Variants in SMG5 observed in about 807,000 individuals in gnomAD.
SMG5 encodes the protein nonsense-mediated mRNA decay factor SMG5.
A neutral mutation model predicts 122.9 loss-of-function variants in SMG5; 53 were observed. The ratio of observed to expected loss-of-function variants is 0.43; its 90% confidence interval spans 0.35 to 0.54. The LOEUF (loss-of-function observed/expected upper bound fraction) is 0.54, where lower values mean the gene tolerates loss of function less well. SMG5 is among the 20% of genes least tolerant of loss of function. The probability of loss-of-function intolerance (pLI) is 0.01; values close to 1 mark genes in which losing one functional copy is unlikely to be tolerated. For synonymous variants in SMG5, 477 were observed against 490.2 expected, an observed-to-expected ratio of 0.97 and a Z score of 0.35; for missense variants, 1,153 against 1,285.6, an observed-to-expected ratio of 0.90 and a Z score of 1.58.
intron 16 of SMG5, 151 bp downstream of exon 16, chr1:156,258,854 C>G (rs1661689345): frequency 1.1e-5 from 10 of 936,730 alleles, no homozygotes; most frequent in Non-Finnish European, 1.2e-5. Flanking sequence ...TAGTCCTTCC[C>G]AGGCCTCCCT....
intron 16 of SMG5, among the ~76,000 whole-genome samples, chr1:156,254,888 G>C (rs1316657455): frequency 6.6e-6 from 1 of 151,378 alleles, no homozygotes; most frequent in Non-Finnish European, 1.5e-5. Flanking sequence ...TCAGGAGTTC[G>C]AGAGCAGCCT....
chr1:156,265,683 C>T lies in SMG5; in HGVS notation c.1855+98G>A, dbSNP rs114247648. On this transcript the variant is annotated intron_variant, in intron 12 of 21. Transcript: ENST00000361813. ...AGAGGGCCAAAGGTAAGGGTAGAGA[C>T]GAGAGGTCATTCACACAGATAGGAA... 302 of 1,519,628 alleles carry T rather than the reference C, an allele frequency of 2.0e-4. 1 individual carries two copies. In the African/African-American group the frequency reaches 3.2e-3, roughly 16 times the overall value. 94.1% of individuals were successfully genotyped at this position (1,519,628 alleles called of 1,614,324 possible).
upstream of SMG5, chr1:156,284,359 G>C (rs1399818571): frequency 6.6e-6 from 1 of 152,284 alleles, no homozygotes; most frequent in African/African-American, 2.4e-5. Flanking sequence ...GCTCCTTCCC[G>C]GACGGACGGA....
rs1661811754 is a variant in SMG5, at chr1:156,261,286, A to T, written c.2107+47T>A. On this transcript the variant is annotated intron_variant, in intron 14 of 21. Coordinates refer to ENST00000361813, the MANE Select transcript of SMG5 (RefSeq NM_015327.3). ...GGGAGGGGAGATGGGCTTAGTGGGG[A>T]CAATGAGAGAGCAAAGAAAGGAGGG... 2.5e-6 allele frequency: 4 copies of T among 1,573,010 alleles called. No homozygotes were observed. In the South Asian group the frequency reaches 3.3e-5, roughly 13 times the overall value.
At position 156,282,632 on chromosome 1, in the gene SMG5, C is replaced by T. The variant is rs1663011879; in HGVS notation, c.49G>A (p.Val17Ile). Residue 17 changes from valine (V) to isoleucine (I), a missense_variant, in exon 1 of 22, where the codon GTC becomes ATC. Physicochemically the swap from Val to Ile is conservative, Grantham distance 29. Around this residue, in one of 5 missense-constraint regions of SMG5, gnomAD observed 213 missense variants for 197.5 expected, o/e 1.08. Coordinates refer to ENST00000361813, the MANE Select transcript of SMG5 (RefSeq NM_015327.3). Reference protein sequence around the residue: ...TGESSEPEAKVLHTKRLYRAV... With the variant: ...TGESSEPEAKILHTKRLYRAV... Reference sequence around the variant, plus strand: ...CGGTAAAGCCGCTTAGTGTGGAGGACTTTTGCTTCGGGCTCGCTGCTCTCC... The same window carrying T: ...CGGTAAAGCCGCTTAGTGTGGAGGATTTTTGCTTCGGGCTCGCTGCTCTCC... 5 of 1,609,024 alleles carry T rather than the reference C, an allele frequency of 3.1e-6. No homozygotes were observed. The highest frequency in any genetic ancestry group is 1.7e-5 in the Admixed American group (1 of 59,974).
chr1:156,267,959 G>A (rs1183321120), intron 9 of SMG5, among the ~76,000 whole-genome samples, 156 bp downstream of exon 9: 1 of 152,106 alleles, frequency 6.6e-6, no homozygotes, highest in African/African-American at 2.4e-5. Flanking sequence ...AGGACCCTTG[G>A]GAGAAACAGT....
chr1:156,249,626 G>T lies in SMG5; in HGVS notation c.*961C>A. 2.5e-6 allele frequency: 1 copy of T among 403,848 alleles called. No homozygotes were observed. Among genetic ancestry groups the T allele is most frequent in the Non-Finnish European group, 5.1e-6 (1 of 196,476 alleles). The allele number at this position is 403,848 out of a possible 1,614,324, so 25.0% of individuals were successfully genotyped here. A position where few individuals can be genotyped will look rare whatever the true frequency, so the allele number is the denominator to read the frequency against. ...TTCAGTCCTGCGGAAGGCAAAAGGAGGGACGGGGGCCTCTGACTGAGCAGC... is the reference window on the plus strand; with the variant it reads ...TTCAGTCCTGCGGAAGGCAAAAGGATGGACGGGGGCCTCTGACTGAGCAGC... On this transcript the variant is annotated 3_prime_UTR_variant, in exon 22 of 22. Transcript: ENST00000361813.
rs140622038 is a variant in SMG5 at position 156,273,055 on chromosome 1, T to C, written c.634+306A>G. Among the ~76,000 whole-genome samples the C allele has an allele frequency of 1.9e-3, 287 of 152,286 alleles. 2 individuals carry two copies. Among genetic ancestry groups the C allele is most frequent in the African/African-American group, 6.6e-3 (274 of 41,560 alleles). On this transcript the variant is annotated intron_variant, in intron 6 of 21. Transcript: ENST00000361813. ...TGCAAATCCCCATCTCTCTCTATAA[T>C]AGTCTTATGCTTTATCTCATTGTGC...
intron 14 of SMG5, 56 bp from the exon 15 acceptor site, chr1:156,260,682 G>A (rs1661783420): frequency 1.4e-6 from 2 of 1,418,490 alleles, no homozygotes; most frequent in African/African-American, 2.9e-5. Flanking sequence ...CCCAGTCAGA[G>A]AGACATAACC....
At chr1:156,286,492 T>G, upstream of SMG5, 1 of 1,612,016 alleles carries the variant, frequency 6.2e-7, no homozygotes, top group South Asian at 1.1e-5. Flanking sequence ...GGGCAGAGGG[T>G]GGGGCATGGG....
In SMG5 at chr1:156,277,811, C is replaced by T. The variant is rs1425529844; in HGVS notation, c.297+114G>A. 1.9e-5 allele frequency: 27 copies of T among 1,414,988 alleles called. No individual in the cohort carries two copies. The South Asian group carries it at 3.1e-4, about 16-fold the overall frequency. 87.7% of individuals were successfully genotyped at this position (1,414,988 alleles called of 1,614,324 possible). Reference sequence around the variant, plus strand: ...ACACGCATGAGCCACCGTGCCCAGCCTCTTACTGCCATGTTTTCTTGGCTC... The same window carrying T: ...ACACGCATGAGCCACCGTGCCCAGCTTCTTACTGCCATGTTTTCTTGGCTC... On this transcript the variant is annotated intron_variant, in intron 3 of 21. Transcript: ENST00000361813.
intron 16 of SMG5, 112 bp downstream of exon 16, chr1:156,258,881 CTCTCCCTAGGCA>C (rs1661690974): frequency 8.2e-7 from 1 of 1,223,244 alleles, no homozygotes; most frequent in African/African-American, 1.6e-5. Flanking sequence ...CTCCCCTCCC[CTCTCCCTAGGCA>C]TCTTACTATG....
At chr1:156,252,310 G>GT in intron 19 of SMG5, 104 bp downstream of exon 19, 3 of 971,942 alleles carry the variant, frequency 3.1e-6, no homozygotes, top group Non-Finnish European at 4.9e-6. Context: ...GTAGAGACGG[G>GT]TATGTATGTG....
At chr1:156,282,478 C>G in intron 1 of SMG5, 129 bp downstream of exon 1, 1 of 1,001,150 alleles carries the variant, frequency 1.0e-6, no homozygotes, top group South Asian at 1.5e-5. Context: ...GCCCCGCCTC[C>G]AAAATTGCAC....
In SMG5 at chr1:156,273,457, A is replaced by G. The variant is rs201543679; in HGVS notation, c.545-7T>C. The G allele has an allele frequency of 4.2e-5, 68 of 1,613,234 alleles. No individual in the cohort carries two copies. The highest frequency in any genetic ancestry group is 5.3e-5 in the African/African-American group (4 of 74,870). ...AATTCATTCTGATATCGGGCTGCAC[A>G]AGAGAGAAAACGAAGGGAAACTCGA... is the stretch of plus-strand genomic sequence containing the variant. On this transcript the variant is annotated splice_region_variant and splice_polypyrimidine_tract_variant and intron_variant, in intron 5 of 21. Coordinates refer to ENST00000361813, the MANE Select transcript of SMG5 (RefSeq NM_015327.3).
At chr1:156,275,131 T>TAAAAAAAAAAAAAA (rs760480249) in intron 4 of SMG5, among the ~76,000 whole-genome samples, 3 of 86,886 alleles carry the variant, frequency 3.5e-5, no homozygotes, top group Non-Finnish European at 4.4e-5. Flanking sequence ...TGACGCCAAT[T>TAAAAAAAAAAAAAA]AAAAAAAAAA....
At chr1:156,276,723 T>G (rs146926415) in intron 4 of SMG5, among the ~76,000 whole-genome samples, 2 of 152,336 alleles carry the variant, frequency 1.3e-5, no homozygotes, top group East Asian at 3.9e-4. Flanking sequence ...ATCTAAAGAT[T>G]TCAAAACTTT....
At chr1:156,286,233 C>T (rs949604735), upstream of SMG5, 1 of 1,610,476 alleles carries the variant, frequency 6.2e-7, no homozygotes, top group Non-Finnish European at 8.5e-7. Flanking sequence ...CTTTTCTGAC[C>T]CTACCCTGTT....
At chr1:156,251,927 C>G (rs1661374360) in intron 19 of SMG5, among the ~76,000 whole-genome samples, 1 of 152,244 alleles carries the variant, frequency 6.6e-6, no homozygotes, top group East Asian at 1.9e-4. Context: ...GGCTGAGCAT[C>G]TGCACATGCT....
Sources: allele counts gnomAD v4.1 joint callset (sites outside exome capture counted in the v4.1 genomes callset), GRCh38; gene constraint gnomAD v4.1.1; regional missense constraint gnomAD v4.1.1; transcripts MANE v1.5; gene names NCBI Gene and HGNC (gene_info 2026-07-23, HGNC 2026-07-21).